PHF2: variants seen among roughly 807,000 people sequenced by gnomAD.
The protein encoded by PHF2 is PHD finger protein 2.
Under a neutral mutation model 120.5 loss-of-function variants are expected in PHF2, and 27 were observed. That is an observed-to-expected ratio of 0.22 (90% CI 0.17 to 0.31). The LOEUF (loss-of-function observed/expected upper bound fraction) is 0.31, where lower values mean the gene tolerates loss of function less well. Ranked by LOEUF, PHF2 falls within the 10% of genes least tolerant of loss-of-function variation. The pLI is 1.00. For missense variants in PHF2, 1,024 were observed against 1,434.8 expected, an observed-to-expected ratio of 0.71 and a Z score of 4.63; for synonymous variants, 568 against 592.5, an observed-to-expected ratio of 0.96 and a Z score of 0.60.
intron 1 of PHF2, among the ~76,000 whole-genome samples, chr9:93,604,146 G>A (rs1302827509): frequency 6.6e-6 from 1 of 152,112 alleles, no homozygotes; most frequent in Non-Finnish European, 1.5e-5. Context: ...CCTCTGAGAT[G>A]GGAAAAACAG....
At chr9:93,591,481 G>T (rs575701666) in intron 1 of PHF2, among the ~76,000 whole-genome samples, 1 of 152,314 alleles carries the variant, frequency 6.6e-6, no homozygotes, top group East Asian at 1.9e-4. Context: ...GACTGGGGGC[G>T]TCTCAGGGAG....
At chr9:93,655,525 T>A (rs763704241) in intron 7 of PHF2, among the ~76,000 whole-genome samples, 2 of 152,144 alleles carry the variant, frequency 1.3e-5, no homozygotes, top group Non-Finnish European at 2.9e-5. Context: ...CTCCTGAGTG[T>A]GGTTGGGAGG....
At chr9:93,612,723 TA>T (rs748451240) in intron 1 of PHF2, among the ~76,000 whole-genome samples, 2 of 152,254 alleles carry the variant, frequency 1.3e-5, no homozygotes, top group East Asian at 1.9e-4. Flanking sequence ...TTTTTCAGAA[TA>T]ATAGGAATCT....
chr9:93,633,203 G>T (rs1283916357), intron 2 of PHF2, among the ~76,000 whole-genome samples: 1 of 152,216 alleles, frequency 6.6e-6, no homozygotes, highest in African/African-American at 2.4e-5. Flanking sequence ...GAAAGCCACA[G>T]TGGTGGGGAT....
chr9:93,659,027 G>A (rs1282897872), intron 10 of PHF2, among the ~76,000 whole-genome samples: 2 of 152,246 alleles, frequency 1.3e-5, no homozygotes, highest in Non-Finnish European at 2.9e-5. Context: ...GAGAAGGCCA[G>A]TGGAGATTTA....
In PHF2 at chr9:93,676,946, A is replaced by G. The variant is rs780234910; in HGVS notation, c.3185A>G (p.Asn1062Ser). 2.6e-6 allele frequency: 4 copies of G among 1,559,578 alleles called. No homozygotes were observed. In the East Asian group the frequency reaches 9.2e-5, roughly 36 times the overall value. The change falls in exon 21 of 22, where the codon AAC becomes AGC. Residue 1062 changes from asparagine to serine, a missense_variant. Around this residue, in one of 2 missense-constraint regions of PHF2, gnomAD observed 677 missense variants for 857.4 expected, o/e 0.79. Coordinates refer to ENST00000359246, the MANE Select transcript of PHF2 (RefSeq NM_005392.4). Reference protein sequence around the residue: ...QRRPSASSPNNNTAAKGKRTK... With the variant: ...QRRPSASSPNSNTAAKGKRTK... ...CGGCCCTCCGCATCGTCTCCAAACAACAACACCGCTGCCAAAGGTACTGTG... is the reference window on the plus strand; with the variant it reads ...CGGCCCTCCGCATCGTCTCCAAACAGCAACACCGCTGCCAAAGGTACTGTG...
intron 1 of PHF2, among the ~76,000 whole-genome samples, chr9:93,615,545 C>T (rs1201772916): frequency 6.6e-6 from 1 of 152,202 alleles, no homozygotes; most frequent in Non-Finnish European, 1.5e-5. Flanking sequence ...ATGATCCACT[C>T]TGCAGAGAAG....
intron 3 of PHF2, among the ~76,000 whole-genome samples, chr9:93,643,939 C>A (rs1396490815): frequency 2.0e-5 from 3 of 152,160 alleles, no homozygotes. Flanking sequence ...ACTTACTGAT[C>A]TCCTGAACCC....
rs954540982 is a variant in PHF2 at position 93,656,860 on chromosome 9, A to G, written c.1147+265A>G. Reference sequence around the variant, plus strand: ...TGTGGGTTGAGAGGGGTGAGTGTGCATGGCCTCAGTGCAGGTATCAATCAC... The same window carrying G: ...TGTGGGTTGAGAGGGGTGAGTGTGCGTGGCCTCAGTGCAGGTATCAATCAC... On this transcript the variant is annotated intron_variant, in intron 9 of 21. Transcript: ENST00000359246. The surrounding 1 kb of genome is among the most constrained non-coding windows in gnomAD (Gnocchi z 4.1). Among the ~76,000 whole-genome samples the G allele has an allele frequency of 2.0e-5, 3 of 152,174 alleles. No individual in the cohort carries two copies. The highest frequency in any genetic ancestry group is 2.1e-4 in the South Asian group (1 of 4,832).
At chr9:93,657,324 G>C (rs963026128) in intron 9 of PHF2, among the ~76,000 whole-genome samples, 1 of 152,208 alleles carries the variant, frequency 6.6e-6, no homozygotes, top group African/African-American at 2.4e-5. Context: ...AAGGTAAAAT[G>C]GTCCTTAGTC....
intron 1 of PHF2, among the ~76,000 whole-genome samples, chr9:93,595,645 C>CAT (rs1825318097): frequency 6.6e-6 from 1 of 152,248 alleles, no homozygotes; most frequent in African/African-American, 2.4e-5. Context: ...CCGAGATTTG[C>CAT]ATCTTCTGTG....
intron 1 of PHF2, among the ~76,000 whole-genome samples, chr9:93,599,750 AG>A (rs1825404284): frequency 6.6e-6 from 1 of 152,244 alleles, no homozygotes; most frequent in Admixed American, 6.5e-5. Flanking sequence ...GCTTGCAGCA[AG>A]GGGGATTCGG....
At chr9:93,604,037 G>A (rs1825492583) in intron 1 of PHF2, among the ~76,000 whole-genome samples, 2 of 152,212 alleles carry the variant, frequency 1.3e-5, no homozygotes, top group Admixed American at 6.5e-5. Context: ...CTGTCAAAGT[G>A]AGCATCTCTG....
chr9:93,588,454 T>A (rs1218225943), intron 1 of PHF2, among the ~76,000 whole-genome samples: 2 of 152,142 alleles, frequency 1.3e-5, no homozygotes, highest in Admixed American at 6.5e-5. Flanking sequence ...GCAACGAGAA[T>A]AACTCTCTTT....
At chr9:93,640,884 G>C (rs1826162378) in intron 3 of PHF2, among the ~76,000 whole-genome samples, 1 of 152,172 alleles carries the variant, frequency 6.6e-6, no homozygotes, top group African/African-American at 2.4e-5. Flanking sequence ...ATTTGCTATA[G>C]CTCTAGGTGC....
At chr9:93,600,249 CTG>C (rs147941136) in intron 1 of PHF2, among the ~76,000 whole-genome samples, 7 of 150,892 alleles carry the variant, frequency 4.6e-5, no homozygotes, top group South Asian at 2.1e-4. Flanking sequence ...GGATGTGTGT[CTG>C]TGTGTGTGTG....
At chr9:93,669,274 A>C (rs1826738752) in intron 17 of PHF2, among the ~76,000 whole-genome samples, 1 of 152,202 alleles carries the variant, frequency 6.6e-6, no homozygotes, top group Non-Finnish European at 1.5e-5. Flanking sequence ...GGGTCGGGGC[A>C]GGGCCTGCCA....
At chr9:93,627,492 A>ATTTT (rs55647503) in intron 1 of PHF2, among the ~76,000 whole-genome samples, 1,596 of 108,106 alleles carry the variant, frequency 0.015, 96 homozygotes, top group Non-Finnish European at 0.014. Flanking sequence ...TTATTTCAGG[A>ATTTT]TTTTTTTTTT....
chr9:93,664,194 C>T (rs566444606), intron 14 of PHF2, among the ~76,000 whole-genome samples: 2 of 152,120 alleles, frequency 1.3e-5, no homozygotes, highest in African/African-American at 4.8e-5. Flanking sequence ...TGGTGTGAAC[C>T]CAACATGGGA....
Sources: allele counts gnomAD v4.1 joint callset (sites outside exome capture counted in the v4.1 genomes callset), GRCh38; gene constraint gnomAD v4.1.1; regional missense constraint gnomAD v4.1.1; non-coding constraint Gnocchi (gnomAD v3.1); transcripts MANE v1.5; gene names NCBI Gene and HGNC (gene_info 2026-07-23, HGNC 2026-07-21).